ZNF420: variants seen among roughly 807,000 people sequenced by gnomAD.
The protein encoded by ZNF420 is zinc finger protein 420, also known as ATM and p53-associated KZNF protein.
In ZNF420, 31 loss-of-function variants were observed where a neutral mutation model predicts 44.7. That is an observed-to-expected ratio of 0.69 (90% confidence interval 0.52 to 0.94). ZNF420 has a LOEUF of 0.94. ZNF420 is among the 40% of genes least tolerant of loss of function. The probability of loss-of-function intolerance (pLI) is 0.00; values close to 1 mark genes in which losing one functional copy is unlikely to be tolerated. For missense variants in ZNF420, 681 were observed against 827.9 expected (o/e 0.82, Z 2.18); for synonymous variants, 245 against 267.4 (o/e 0.92, Z 0.82).
chr19:37,057,404 G>A (rs1967777715), intron 1 of ZNF420, among the ~76,000 whole-genome samples: 1 of 151,370 alleles, frequency 6.6e-6, no homozygotes, highest in Admixed American at 6.6e-5. Flanking sequence ...GGTTGCCTGG[G>A]GCTGTGTGTT....
chr19:37,085,768 T>A (rs1308172977), intron 2 of ZNF420, among the ~76,000 whole-genome samples: 2 of 151,748 alleles, frequency 1.3e-5, no homozygotes, highest in Non-Finnish European at 2.9e-5. Flanking sequence ...TCTTTTTTTT[T>A]AACATATTTT....
intron 1 of ZNF420, among the ~76,000 whole-genome samples, chr19:37,051,486 A>G (rs1292822958): frequency 2.0e-5 from 3 of 152,182 alleles, no homozygotes; most frequent in African/African-American, 7.2e-5. Flanking sequence ...CGTTTCTTCT[A>G]GATTTTCAGT....
chr19:37,064,936 C>G (rs530852622), intron 1 of ZNF420, among the ~76,000 whole-genome samples: 53 of 152,262 alleles, frequency 3.5e-4, no homozygotes, highest in Admixed American at 1.5e-3. Context: ...ACCCAGGGGG[C>G]CATCACAATC....
chr19:37,046,767 G>A (rs943341650), intron 1 of ZNF420, among the ~76,000 whole-genome samples: 10 of 151,750 alleles, frequency 6.6e-5, no homozygotes, highest in Admixed American at 1.3e-4. Context: ...TAGGAGCCAA[G>A]GTATGCTGTG....
intron 2 of ZNF420, among the ~76,000 whole-genome samples, chr19:37,087,870 C>T (rs1360044737): frequency 6.6e-6 from 1 of 152,208 alleles, no homozygotes; most frequent in Non-Finnish European, 1.5e-5. Context: ...TGGTCTAGAT[C>T]TCCTGACCTC....
At chr19:37,050,461 T>G (rs1967619012) in intron 1 of ZNF420, among the ~76,000 whole-genome samples, 1 of 152,210 alleles carries the variant, frequency 6.6e-6, no homozygotes, top group South Asian at 2.1e-4. Context: ...CCTAGATATT[T>G]TATTCTCTTT....
chr19:37,120,164 AG>A (rs1441457643), intron 4 of ZNF420, among the ~76,000 whole-genome samples: 1 of 152,216 alleles, frequency 6.6e-6, no homozygotes. Context: ...GCAGAGACAC[AG>A]CCAAAAAAGA....
chr19:37,081,140 C>G (rs1032801021), intron 2 of ZNF420, among the ~76,000 whole-genome samples: 1 of 151,806 alleles, frequency 6.6e-6, no homozygotes, highest in Non-Finnish European at 1.5e-5. Context: ...TAATTTGCCC[C>G]TTTGATTTCT....
intron 2 of ZNF420, among the ~76,000 whole-genome samples, chr19:37,082,367 G>C (rs1196566602): frequency 6.6e-6 from 1 of 151,704 alleles, no homozygotes; most frequent in Non-Finnish European, 1.5e-5. Flanking sequence ...GTTTTGCCAT[G>C]TTGGCCAGGC....
In ZNF420 at chr19:37,128,699, C is replaced by T. The variant is rs765172465; in HGVS notation, c.1708C>T (p.Arg570Cys). The T allele has an allele frequency of 2.0e-5, 32 of 1,613,838 alleles. No homozygotes were observed. Among genetic ancestry groups the T allele is most frequent in the Non-Finnish European group, 2.5e-5 (30 of 1,179,970 alleles). Reference protein sequence around the residue: ...QCKECGKAFIRGSQLTQHQRI... With the variant: ...QCKECGKAFICGSQLTQHQRI... ...TAAGGAATGTGGGAAAGCCTTTATT[C>T]GTGGTTCACAGTTGACTCAACATCA... The change falls in exon 5 of 5, where the codon CGT becomes TGT. Residue 570 changes from arginine (R) to cysteine (C), a missense_variant. Arg to Cys is a radical substitution (Grantham distance 180, BLOSUM62 -3). Around this residue, in one of 3 missense-constraint regions of ZNF420, gnomAD observed 280 missense variants for 338.6 expected, o/e 0.83. Coordinates refer to ENST00000337995, the MANE Select transcript of ZNF420 (RefSeq NM_144689.5).
intron 2 of ZNF420, among the ~76,000 whole-genome samples, chr19:37,081,907 A>G (rs1968486889): frequency 6.6e-6 from 1 of 151,776 alleles, no homozygotes. Context: ...TTTACATCCT[A>G]CTGGTGAATT....
intron 4 of ZNF420, among the ~76,000 whole-genome samples, chr19:37,106,043 C>T (rs1022626478): frequency 1.5e-4 from 23 of 152,168 alleles, no homozygotes; most frequent in African/African-American, 5.6e-4. Flanking sequence ...TGTCTGATTG[C>T]CCTGGCCAGA....
intron 2 of ZNF420, among the ~76,000 whole-genome samples, chr19:37,083,920 G>A (rs1968614659): frequency 1.3e-5 from 2 of 152,030 alleles, no homozygotes; most frequent in Admixed American, 1.3e-4. Flanking sequence ...AATCCTGAGT[G>A]TATACTGATA....
At chr19:37,086,096 G>A (rs1192069623) in intron 2 of ZNF420, among the ~76,000 whole-genome samples, 10 of 151,846 alleles carry the variant, frequency 6.6e-5, no homozygotes, top group South Asian at 2.1e-4. Context: ...ATGAGCCACC[G>A]TGCCCAGCCA....
At chr19:37,125,665 C>G (rs900466683) in intron 4 of ZNF420, among the ~76,000 whole-genome samples, 3 of 152,054 alleles carry the variant, frequency 2.0e-5, no homozygotes, top group Admixed American at 6.6e-5. Flanking sequence ...CTTTCATTAC[C>G]TAGTTTTTAT....
chr19:37,062,344 G>C (rs1177773205), intron 1 of ZNF420, among the ~76,000 whole-genome samples: 1 of 152,134 alleles, frequency 6.6e-6, no homozygotes, highest in African/African-American at 2.4e-5. Flanking sequence ...CTCATTTTTT[G>C]AGACCAGAGT....
chr19:37,126,352 T>G (rs909165806), intron 4 of ZNF420, among the ~76,000 whole-genome samples: 1 of 152,118 alleles, frequency 6.6e-6, no homozygotes, highest in Non-Finnish European at 1.5e-5. Context: ...GTCTGTGACT[T>G]TTTCAGAGTT....
intron 4 of ZNF420, among the ~76,000 whole-genome samples, chr19:37,099,196 C>A (rs1222030514): frequency 6.6e-6 from 1 of 151,686 alleles, no homozygotes; most frequent in Non-Finnish European, 1.5e-5. Flanking sequence ...GGATGTATAC[C>A]CAGTAGTTAG....
intron 1 of ZNF420, among the ~76,000 whole-genome samples, chr19:37,061,029 C>A (rs567298949): frequency 6.6e-6 from 1 of 152,214 alleles, no homozygotes; most frequent in East Asian, 1.9e-4. Flanking sequence ...ACGCACAGGC[C>A]CCCTCCTGGT....
Sources: allele counts gnomAD v4.1 joint callset (sites outside exome capture counted in the v4.1 genomes callset), GRCh38; gene constraint gnomAD v4.1.1; regional missense constraint gnomAD v4.1.1; transcripts MANE v1.5; gene names NCBI Gene and HGNC (gene_info 2026-07-23, HGNC 2026-07-21).